The following ALDH4A1 variants were observed in gnomAD, a reference collection of about 807,000 sequenced individuals.
The protein encoded by ALDH4A1 is aldehyde dehydrogenase 4 family member A1, also known as delta-1-pyrroline-5-carboxylate dehydrogenase, mitochondrial.
In ALDH4A1, 46 loss-of-function variants were observed where a neutral mutation model predicts 70.5. The ratio of observed to expected loss-of-function variants is 0.65; its 90% CI spans 0.51 to 0.83. The LOEUF is 0.83. Among genes scored for constraint, ALDH4A1 ranks in the 40% least tolerant of loss-of-function variants. The probability of loss-of-function intolerance (pLI) is 0.00; values close to 1 mark genes in which losing one functional copy is unlikely to be tolerated. For missense variants in ALDH4A1, 749 were observed against 766.5 expected, an observed-to-expected ratio of 0.98 and a Z score of 0.27; for synonymous variants, 323 against 324.3, an observed-to-expected ratio of 1.00 and a Z score of 0.04.
chr1:18,894,568 G>C (rs1193992933), intron 1 of ALDH4A1, among the ~76,000 whole-genome samples: 1 of 152,118 alleles, frequency 6.6e-6, no homozygotes, highest in Non-Finnish European at 1.5e-5. Context: ...ATGTAGTAGC[G>C]GCCAGTTCTC....
At chr1:18,885,427 T>TGCCACC in intron 5 of ALDH4A1, 46 bp downstream of exon 5, 2 of 650,922 alleles carry the variant, frequency 3.1e-6, no homozygotes, top group Non-Finnish European at 5.4e-6. Context: ...CACACCTGAC[T>TGCCACC]CCCACCCCAC....
chr1:18,891,047 A>G (rs1935413281), intron 1 of ALDH4A1, among the ~76,000 whole-genome samples: 1 of 152,174 alleles, frequency 6.6e-6, no homozygotes, highest in South Asian at 2.1e-4. Context: ...CCTTGCTCAA[A>G]TCCTCTGACC....
intron 1 of ALDH4A1, chr1:18,890,328 G>A: frequency 1.9e-6 from 1 of 513,110 alleles, no homozygotes; most frequent in Non-Finnish European, 3.6e-6. Flanking sequence ...AATCACTTGA[G>A]GTCAGGAGTT....
intron 13 of ALDH4A1, 149 bp downstream of exon 13, chr1:18,875,233 G>T: frequency 7.5e-7 from 1 of 1,327,058 alleles, no homozygotes; most frequent in Non-Finnish European, 1.1e-6. Context: ...CCCATGTGGC[G>T]AGCCCTGGCT....
intron 1 of ALDH4A1, among the ~76,000 whole-genome samples, chr1:18,892,968 A>G (rs1353854457): frequency 6.6e-6 from 1 of 152,188 alleles, no homozygotes; most frequent in Non-Finnish European, 1.5e-5. Flanking sequence ...GACCATCTGG[A>G]AGCTTCTGAC....
At position 18,877,216 on chromosome 1, in the gene ALDH4A1, C is replaced by A; in HGVS notation, c.1177G>T (p.Asp393Tyr). 1 of 1,608,530 alleles carries A rather than the reference C, an allele frequency of 6.2e-7. No homozygotes were observed. Among genetic ancestry groups the A allele is most frequent in the East Asian group, 2.2e-5 (1 of 44,600 alleles). ...CACTTCCCACCCCGTACCTTGGCAT[C>A]AATCACTGCAGAGAAGAAGGTCCCA... ...DFGTFFSAVI[D>Y]AKSFARIKKW... The change falls in exon 11 of 15, where the codon GAT becomes TAT. Residue 393 changes from aspartate to tyrosine, a missense_variant. Transcript: ENST00000375341.
chr1:18,890,394 C>T (rs981002623), intron 1 of ALDH4A1, among the ~76,000 whole-genome samples: 25 of 152,286 alleles, frequency 1.6e-4, no homozygotes, highest in South Asian at 4.1e-4. Context: ...ATATTTTAAA[C>T]GTTAGCCAGG....
chr1:18,876,560 T>C, intron 11 of ALDH4A1, 93 bp from the exon 12 acceptor site: 1 of 1,401,602 alleles, frequency 7.1e-7, no homozygotes, highest in South Asian at 1.3e-5. Flanking sequence ...CACCTGCACC[T>C]GAAGGGCCCA....
intron 4 of ALDH4A1, 30 bp downstream of exon 4, chr1:18,886,434 C>G (rs1935204227): frequency 2.5e-6 from 4 of 1,613,482 alleles, no homozygotes; most frequent in Non-Finnish European, 3.4e-6. Context: ...AACCCTAACC[C>G]CGGGTCACCA....
chr1:18,879,976 G>T (rs539136852), intron 8 of ALDH4A1, among the ~76,000 whole-genome samples: 3 of 152,212 alleles, frequency 2.0e-5, no homozygotes, highest in Non-Finnish European at 2.9e-5. Flanking sequence ...CCGGGAGCCA[G>T]CGACACAGTA....
intron 3 of ALDH4A1, among the ~76,000 whole-genome samples, chr1:18,887,197 G>A (rs1039613428): frequency 6.6e-6 from 1 of 152,236 alleles, no homozygotes; most frequent in Non-Finnish European, 1.5e-5. Context: ...TCAGCTCCCC[G>A]CTATTTTGCA....
chr1:18,882,021 C>T, intron 7 of ALDH4A1, 134 bp from the exon 8 acceptor site: 1 of 910,102 alleles, frequency 1.1e-6, no homozygotes. Context: ...CATCCCCTAC[C>T]CGACCCCACT....
rs1400809605 is a variant in ALDH4A1 at position 18,886,512 on chromosome 1, C to T, written c.250-1G>A. 6.2e-7 allele frequency: 1 copy of T among 1,614,128 alleles called. No homozygotes were observed. The highest frequency in any genetic ancestry group is 1.1e-5 in the South Asian group (1 of 91,076). On this transcript the variant is annotated splice_acceptor_variant, in intron 3 of 14. Transcript: ENST00000375341. LOFTEE classifies it high-confidence loss of function. ...CCACCTTATGTCCATGGTTAAAAGGCTGAAAGGAGAGAAGAGTGAGGTCCT... is the reference window on the plus strand; with the variant it reads ...CCACCTTATGTCCATGGTTAAAAGGTTGAAAGGAGAGAAGAGTGAGGTCCT...
chr1:18,902,463 C>G lies in ALDH4A1; in HGVS notation c.61G>C (p.Gly21Arg), dbSNP rs1183407098. ...GCCCCGGGCCCCGTGCTCACTCACCCGGCCCCGGTCCAGGGGCGGGACAGC... is the reference window on the plus strand; with the variant it reads ...GCCCCGGGCCCCGTGCTCACTCACCGGGCCCCGGTCCAGGGGCGGGACAGC... ...ALLSRPWTGAGLRWKHTSSLK... is the reference protein window; with the variant it reads ...ALLSRPWTGARLRWKHTSSLK... Residue 21 changes from glycine (G) to arginine (R), a missense_variant and splice_region_variant, in exon 1 of 15, where the codon GGC (glycine) becomes CGC (arginine). Physicochemically the swap from Gly to Arg is moderately radical, Grantham distance 125. Coordinates refer to ENST00000375341, the MANE Select transcript of ALDH4A1 (RefSeq NM_003748.4). The G allele has an allele frequency of 1.4e-6, 2 of 1,394,046 alleles. No individual in the cohort carries two copies. Among genetic ancestry groups the G allele is most frequent in the Non-Finnish European group, 1.9e-6 (2 of 1,074,186 alleles). The allele number at this position is 1,394,046 out of a possible 1,614,324, so 86.4% of individuals were successfully genotyped here. A position where few individuals can be genotyped will look rare whatever the true frequency, so the allele number is the denominator to read the frequency against.
chr1:18,879,208 G>C, intron 9 of ALDH4A1, 92 bp downstream of exon 9: 6 of 1,310,662 alleles, frequency 4.6e-6, no homozygotes, highest in Non-Finnish European at 6.5e-6. Context: ...CCTGACTTGT[G>C]GCTGGATCCC....
At chr1:18,873,524 T>C (rs374144665) in intron 14 of ALDH4A1, among the ~76,000 whole-genome samples, 2 of 152,066 alleles carry the variant, frequency 1.3e-5, no homozygotes, top group African/African-American at 4.8e-5. Flanking sequence ...GGGCTGGAGG[T>C]TGAGTCGACC....
intron 9 of ALDH4A1, among the ~76,000 whole-genome samples, chr1:18,877,864 A>G (rs1313586803): frequency 6.6e-6 from 1 of 152,188 alleles, no homozygotes; most frequent in Non-Finnish European, 1.5e-5. Context: ...GATCAGGTCC[A>G]ACAGCCCCAT....
chr1:18,893,119 T>G (rs1935500138), intron 1 of ALDH4A1, among the ~76,000 whole-genome samples: 1 of 152,196 alleles, frequency 6.6e-6, no homozygotes, highest in African/African-American at 2.4e-5. Flanking sequence ...ACTGAGTCTG[T>G]CCCAGCCCCT....
chr1:18,877,142 T>C, intron 11 of ALDH4A1, 66 bp downstream of exon 11: 1 of 1,562,938 alleles, frequency 6.4e-7, no homozygotes, highest in Middle Eastern at 1.7e-4. Context: ...CCTGTATCTC[T>C]TCCTCCCTCT....
Sources: gnomAD v4.1 joint callset for allele counts (sites outside exome capture counted in the v4.1 genomes callset) on GRCh38, gnomAD v4.1.1 for gene constraint, MANE v1.5 for transcripts, NCBI Gene and HGNC (gene_info 2026-07-23, HGNC 2026-07-21) for gene names.